The following CNTN5 variants were observed in gnomAD, a reference collection of about 807,000 sequenced individuals.
The protein encoded by CNTN5 is contactin-5.
Under a neutral mutation model 129.1 loss-of-function variants are expected in CNTN5, and 77 were observed. The ratio of observed to expected loss-of-function variants is 0.60; its 90% CI spans 0.50 to 0.72. The LOEUF is 0.72. CNTN5 is among the 30% of genes least tolerant of loss of function. CNTN5 has a pLI of 0.00. For synonymous variants in CNTN5, 509 were observed against 465.6 expected (o/e 1.09, Z -1.20); for missense variants, 1,478 against 1,328.8 (o/e 1.11, Z -1.75).
In CNTN5 at chr11:100,352,761, T is replaced by C. The variant is rs542071539; in HGVS notation, c.3199+1891T>C. 5.3e-5 allele frequency among the ~76,000 whole-genome samples: 8 copies of C among 151,914 alleles called. No homozygotes were observed. In the South Asian group the frequency reaches 1.7e-3, roughly 31 times the overall value. The stretch of plus-strand genomic sequence containing the variant: ...AGTATAGTTTTAACAACAAGAAAAG[T>C]TATAATGTCTCTGCATTAATTATTT... On this transcript the variant is annotated intron_variant, in intron 24 of 24. Coordinates refer to ENST00000524871, the MANE Select transcript of CNTN5 (RefSeq NM_014361.4).
At chr11:100,276,668 CTT>C (rs1371745010) in intron 18 of CNTN5, among the ~76,000 whole-genome samples, 1 of 151,552 alleles carries the variant, frequency 6.6e-6, no homozygotes, top group Non-Finnish European at 1.5e-5. Context: ...ACACATTTCA[CTT>C]TTAATTTATG....
At chr11:99,250,024 T>C (rs1862020856) in intron 1 of CNTN5, among the ~76,000 whole-genome samples, 1 of 151,936 alleles carries the variant, frequency 6.6e-6, no homozygotes, top group Non-Finnish European at 1.5e-5. Flanking sequence ...AATTTTGGGG[T>C]GAGAGCACAT....
At chr11:99,216,499 C>T (rs1162634454) in intron 1 of CNTN5, among the ~76,000 whole-genome samples, 1 of 151,994 alleles carries the variant, frequency 6.6e-6, no homozygotes. Flanking sequence ...CGTTGCTTTT[C>T]TTTTGGATAT....
chr11:99,792,538 GGTGTGTGT>G (rs111267307), intron 3 of CNTN5, among the ~76,000 whole-genome samples: 9 of 127,836 alleles, frequency 7.0e-5, no homozygotes, highest in Admixed American at 3.2e-4. Context: ...CCTGAAGAGG[GGTGTGTGT>G]GTGTGTGTGT....
chr11:100,102,339 T>C (rs1945251760), intron 13 of CNTN5, among the ~76,000 whole-genome samples: 1 of 152,072 alleles, frequency 6.6e-6, no homozygotes, highest in African/African-American at 2.4e-5. Flanking sequence ...TTTTTAAAAA[T>C]ATTTGTTGGC....
At chr11:100,206,790 TAGGAC>T (rs940856995) in intron 15 of CNTN5, among the ~76,000 whole-genome samples, 15 of 152,086 alleles carry the variant, frequency 9.9e-5, no homozygotes, top group African/African-American at 3.6e-4. Context: ...TAAATTTTTT[TAGGAC>T]AGGGATTATA....
chr11:99,209,042 T>C (rs949391971), intron 1 of CNTN5, among the ~76,000 whole-genome samples: 1 of 152,148 alleles, frequency 6.6e-6, no homozygotes. Context: ...ATTTTAATAA[T>C]GTTGCAAATA....
chr11:99,809,732 T>C (rs1222291938), intron 3 of CNTN5, among the ~76,000 whole-genome samples: 6 of 152,142 alleles, frequency 3.9e-5, no homozygotes, highest in Non-Finnish European at 8.8e-5. Context: ...CAGAATTGTT[T>C]CTAAAATTGG....
intron 23 of CNTN5, among the ~76,000 whole-genome samples, chr11:100,341,538 T>G (rs2155012): frequency 0.29 from 43,852 of 152,032 alleles, 6,640 homozygotes; most frequent in Middle Eastern, 0.32. Context: ...CTAACTTTGC[T>G]GGCAGCTGAC....
intron 3 of CNTN5, among the ~76,000 whole-genome samples, chr11:99,702,737 T>C (rs1321583777): frequency 6.6e-6 from 1 of 150,962 alleles, no homozygotes; most frequent in Non-Finnish European, 1.5e-5. Flanking sequence ...AGATGTTTGA[T>C]GTTAGCATTT....
At position 99,334,468 on chromosome 11, in the gene CNTN5, T is replaced by A. The variant is rs141475211; in HGVS notation, c.-71+8984T>A. Among the ~76,000 whole-genome samples, 3 of 152,308 alleles carry A rather than the reference T, an allele frequency of 2.0e-5. No individual in the cohort carries two copies. The East Asian group carries it at 5.8e-4, about 29-fold the overall frequency. On this transcript the variant is annotated intron_variant, in intron 2 of 24. Transcript: ENST00000524871. The stretch of plus-strand genomic sequence containing the variant: ...ATACACAGGTGTATTGAAATAATAG[T>A]TACCCATAAATACGTATAATTATGA...
intron 13 of CNTN5, among the ~76,000 whole-genome samples, chr11:100,114,865 T>G (rs1272016921): frequency 6.6e-6 from 1 of 151,984 alleles, no homozygotes. Flanking sequence ...TTTAATACTC[T>G]CAAATGTTTT....
intron 8 of CNTN5, among the ~76,000 whole-genome samples, chr11:99,983,750 G>T (rs971924621): frequency 6.6e-6 from 1 of 152,120 alleles, no homozygotes; most frequent in Non-Finnish European, 1.5e-5. Flanking sequence ...AGTGGGTAGG[G>T]TTAAGAAGAA....
chr11:100,151,068 C>T (rs1157329374), intron 13 of CNTN5, among the ~76,000 whole-genome samples: 1 of 152,030 alleles, frequency 6.6e-6, no homozygotes, highest in Non-Finnish European at 1.5e-5. Flanking sequence ...GATTTCCCAC[C>T]CTTTAGAACC....
intron 3 of CNTN5, among the ~76,000 whole-genome samples, chr11:99,562,951 C>A (rs1452841713): frequency 6.6e-6 from 1 of 152,100 alleles, no homozygotes; most frequent in South Asian, 2.1e-4. Flanking sequence ...TTCATTCTTG[C>A]ATGGATGACA....
chr11:99,609,927 T>A (rs1158070753), intron 3 of CNTN5, among the ~76,000 whole-genome samples: 1 of 152,148 alleles, frequency 6.6e-6, no homozygotes, highest in Non-Finnish European at 1.5e-5. Flanking sequence ...TGGAAATTCC[T>A]CATGTTCTAT....
intron 1 of CNTN5, among the ~76,000 whole-genome samples, chr11:99,164,385 C>T (rs373128081): frequency 2.0e-5 from 3 of 147,426 alleles, no homozygotes; most frequent in East Asian, 4.0e-4. Context: ...TATCTATATA[C>T]TTACCTAAAG....
At chr11:99,337,257 CG>C (rs1215439599) in intron 2 of CNTN5, among the ~76,000 whole-genome samples, 1 of 152,084 alleles carries the variant, frequency 6.6e-6, no homozygotes, top group Non-Finnish European at 1.5e-5. Context: ...CCAGCTCGGT[CG>C]GGGAGACCCT....
chr11:100,089,912 G>A (rs1045498285), intron 13 of CNTN5, among the ~76,000 whole-genome samples: 2 of 152,040 alleles, frequency 1.3e-5, no homozygotes, highest in African/African-American at 4.8e-5. Context: ...AGGGGAGGGA[G>A]AGAATTGGGA....
Sources: gnomAD v4.1 joint callset for allele counts (sites outside exome capture counted in the v4.1 genomes callset) on GRCh38, gnomAD v4.1.1 for gene constraint, MANE v1.5 for transcripts, NCBI Gene and HGNC (gene_info 2026-07-23, HGNC 2026-07-21) for gene names.